The following RGS6 variants were observed in gnomAD, a reference collection of about 807,000 sequenced individuals.
RGS6 encodes the protein regulator of G protein signaling 6.
In RGS6, 30 loss-of-function variants were observed where a neutral mutation model predicts 78.5. The observed-to-expected ratio is 0.38, with a 90% CI of 0.29 to 0.52. The LOEUF is 0.52. Ranked by LOEUF, RGS6 falls within the 20% of genes least tolerant of loss-of-function variation. The pLI, the probability that RGS6 is intolerant of heterozygous loss-of-function variation, is 0.85. For missense variants in RGS6, 495 were observed against 609.7 expected (o/e 0.81, Z 1.98); for synonymous variants, 206 against 206.0 (o/e 1.00, Z 0.00).
intron 3 of RGS6, among the ~76,000 whole-genome samples, chr14:72,403,967 T>A (rs1398800521): frequency 1.3e-5 from 2 of 152,224 alleles, no homozygotes; most frequent in African/African-American, 4.8e-5. Context: ...ATCTCAGGTT[T>A]CTTGATTTCA....
chr14:72,135,032 G>T (rs964075764), intron 2 of RGS6, among the ~76,000 whole-genome samples: 3 of 152,148 alleles, frequency 2.0e-5, no homozygotes, highest in Admixed American at 2.0e-4. Flanking sequence ...ATAGACATTT[G>T]GGTATCCCTT....
chr14:72,241,432 T>A (rs1425294407), intron 2 of RGS6, among the ~76,000 whole-genome samples: 1 of 152,208 alleles, frequency 6.6e-6, no homozygotes, highest in East Asian at 1.9e-4. Flanking sequence ...TTTGGTTCTT[T>A]TACCTACAGC....
chr14:72,116,313 G>C (rs2095883328), intron 2 of RGS6, among the ~76,000 whole-genome samples: 1 of 152,124 alleles, frequency 6.6e-6, no homozygotes, highest in African/African-American at 2.4e-5. Context: ...GTAGCTTCTA[G>C]AGGTGCAGGG....
chr14:72,529,143 G>C (rs993217194), intron 15 of RGS6, among the ~76,000 whole-genome samples: 2 of 152,198 alleles, frequency 1.3e-5, no homozygotes, highest in Admixed American at 6.5e-5. Flanking sequence ...TCGTTGCTTG[G>C]GGGAGGAGTT....
chr14:72,271,148 A>G (rs1348902678), intron 2 of RGS6, among the ~76,000 whole-genome samples: 2 of 152,182 alleles, frequency 1.3e-5, no homozygotes, highest in East Asian at 3.8e-4. Flanking sequence ...TCGTTTCACC[A>G]CTGTATTAAT....
At chr14:72,187,710 A>C (rs2097265903) in intron 2 of RGS6, among the ~76,000 whole-genome samples, 1 of 152,038 alleles carries the variant, frequency 6.6e-6, no homozygotes, top group African/African-American at 2.4e-5. Context: ...CTCAGCCCCC[A>C]ATTCTCTTTT....
chr14:72,425,588 C>T (rs1433391751), intron 3 of RGS6, among the ~76,000 whole-genome samples: 1 of 152,190 alleles, frequency 6.6e-6, no homozygotes, highest in East Asian at 1.9e-4. Context: ...TTGAATCTCA[C>T]TTATAAAAAC....
chr14:72,550,430 A>G (rs1350959686), intron 17 of RGS6: 1 of 1,523,624 alleles, frequency 6.6e-7, no homozygotes, highest in African/African-American at 1.4e-5. Flanking sequence ...AGCACCAAGT[A>G]CATCTGAGCC....
At chr14:72,234,125 C>T (rs1382987903) in intron 2 of RGS6, among the ~76,000 whole-genome samples, 4 of 151,936 alleles carry the variant, frequency 2.6e-5, no homozygotes, top group African/African-American at 7.3e-5. Flanking sequence ...GTTCTAAGTC[C>T]GATAAGCACT....
At chr14:71,874,210 T>C in the RGS6 span, among the ~76,000 whole-genome samples, 1 of 152,118 alleles carries the variant, frequency 6.6e-6, no homozygotes, top group Admixed American at 6.6e-5. Flanking sequence ...GGGATGGCAT[T>C]GAATCTGTAA....
chr14:72,473,088 C>T (rs550798628), intron 9 of RGS6, 135 bp downstream of exon 9: 61 of 573,024 alleles, frequency 1.1e-4, no homozygotes, highest in Admixed American at 2.7e-4. Flanking sequence ...GAACTGGTTT[C>T]GCCATTCATT....
intron 2 of RGS6, among the ~76,000 whole-genome samples, chr14:72,338,363 G>C (rs770583467): frequency 2.6e-5 from 4 of 152,224 alleles, no homozygotes; most frequent in Non-Finnish European, 1.5e-5. Flanking sequence ...AGCCAAGAGA[G>C]TGAGAGCCAA....
intron 2 of RGS6, among the ~76,000 whole-genome samples, chr14:72,174,403 A>G (rs2097074958): frequency 2.0e-5 from 3 of 152,330 alleles, no homozygotes; most frequent in Admixed American, 1.3e-4. Context: ...CGGTGACCAC[A>G]TCTGATGCTG....
At chr14:72,024,282 A>G (rs1408310064) in intron 2 of RGS6, among the ~76,000 whole-genome samples, 2 of 152,226 alleles carry the variant, frequency 1.3e-5, no homozygotes, top group African/African-American at 4.8e-5. Context: ...ACCGTCTAAC[A>G]GTACATCACA....
chr14:72,628,944 C>T, the RGS6 span, among the ~76,000 whole-genome samples: 315 of 152,240 alleles, frequency 2.1e-3, no homozygotes, highest in Middle Eastern at 0.024. Flanking sequence ...TATGCACCTA[C>T]AGATATTTAA....
At chr14:72,293,506 T>C (rs2064051250) in intron 2 of RGS6, among the ~76,000 whole-genome samples, 1 of 151,940 alleles carries the variant, frequency 6.6e-6, no homozygotes. Flanking sequence ...TCCCACTTCC[T>C]CTCTCCTCCT....
At chr14:72,162,495 G>A (rs1420360380) in intron 2 of RGS6, among the ~76,000 whole-genome samples, 1 of 152,110 alleles carries the variant, frequency 6.6e-6, no homozygotes, top group Non-Finnish European at 1.5e-5. Context: ...CTGGAGTTGG[G>A]GCTAAGGAGG....
intron 3 of RGS6, among the ~76,000 whole-genome samples, chr14:72,400,485 G>A (rs2092251166): frequency 6.6e-6 from 1 of 152,154 alleles, no homozygotes; most frequent in Non-Finnish European, 1.5e-5. Context: ...AGAATACTTT[G>A]TGTAAGGCAC....
At chr14:72,415,081 A>G (rs373439964) in intron 3 of RGS6, among the ~76,000 whole-genome samples, 1 of 152,234 alleles carries the variant, frequency 6.6e-6, no homozygotes, top group Non-Finnish European at 1.5e-5. Context: ...AGACAGGGAC[A>G]TTTAAGTCTG....
Sources: gnomAD v4.1 joint callset for allele counts (sites outside exome capture counted in the v4.1 genomes callset) on GRCh38, gnomAD v4.1.1 for gene constraint, MANE v1.5 for transcripts, NCBI Gene and HGNC (gene_info 2026-07-23, HGNC 2026-07-21) for gene names.